Variants in ADGB observed in about 807,000 individuals in gnomAD.
The protein encoded by ADGB is calpain-7-like protein.
Under a neutral mutation model 210.5 loss-of-function variants are expected in ADGB, and 172 were observed. That is an observed-to-expected ratio of 0.82 (90% confidence interval 0.72 to 0.93). ADGB has a LOEUF of 0.93. Ranked by LOEUF, ADGB falls within the 40% of genes least tolerant of loss-of-function variation. The probability of loss-of-function intolerance (pLI) is 0.00; values close to 1 mark genes in which losing one functional copy is unlikely to be tolerated. For synonymous variants in ADGB, 658 were observed against 662.7 expected (o/e 0.99, Z 0.11); for missense variants, 2,025 against 1,964.8 (o/e 1.03, Z -0.58).
chr6:146,772,122 C>T (rs1000451349), intron 29 of ADGB, among the ~76,000 whole-genome samples: 6 of 151,998 alleles, frequency 3.9e-5, no homozygotes, highest in African/African-American at 9.7e-5. Context: ...CAAATAATCT[C>T]ATCATAAATC....
chr6:146,788,821 G>GC (rs979702280), intron 33 of ADGB, among the ~76,000 whole-genome samples: 10 of 152,198 alleles, frequency 6.6e-5, no homozygotes, highest in African/African-American at 2.2e-4. Context: ...GTGGGCAAAA[G>GC]CCCCCCTACA....
chr6:146,756,742 A>G (rs7770632), intron 27 of ADGB, among the ~76,000 whole-genome samples: 76,929 of 151,088 alleles, frequency 0.51, 21,235 homozygotes, highest in African/African-American at 0.73. Flanking sequence ...TTTGTTCCTA[A>G]ATTTTTTTTT....
intron 18 of ADGB, chr6:146,724,783 G>C (rs1349726892): frequency 6.6e-6 from 1 of 151,954 alleles, no homozygotes; most frequent in Non-Finnish European, 1.5e-5. Flanking sequence ...AGATTTTCTT[G>C]TGGCTTATTT....
intron 23 of ADGB, among the ~76,000 whole-genome samples, chr6:146,737,798 G>A (rs1360279775): frequency 6.6e-6 from 1 of 152,186 alleles, no homozygotes; most frequent in African/African-American, 2.4e-5. Flanking sequence ...CCAGGGAGGT[G>A]TAACACTAGC....
chr6:146,752,412 T>A (rs951639749), intron 26 of ADGB, 118 bp from the exon 27 acceptor site: 54 of 886,470 alleles, frequency 6.1e-5, no homozygotes, highest in Non-Finnish European at 8.4e-5. Context: ...CCTCAAACAG[T>A]GAGGGTCACA....
At chr6:146,809,775 A>C (rs373728543) in intron 35 of ADGB, among the ~76,000 whole-genome samples, 59 of 152,320 alleles carry the variant, frequency 3.9e-4, no homozygotes, top group African/African-American at 1.4e-3. Context: ...AAAAGAATAA[A>C]ATAGGAACAT....
At chr6:146,758,255 C>T (rs1238008096) in intron 27 of ADGB, among the ~76,000 whole-genome samples, 1 of 152,028 alleles carries the variant, frequency 6.6e-6, no homozygotes. Flanking sequence ...TTTAAAATGG[C>T]TGTTTTCTTT....
chr6:146,606,147 G>A (rs1780626331), intron 1 of ADGB, among the ~76,000 whole-genome samples: 2 of 151,996 alleles, frequency 1.3e-5, no homozygotes, highest in African/African-American at 4.8e-5. Flanking sequence ...TTTCACTGTG[G>A]TTTTGATTGG....
chr6:146,720,160 T>A (rs1450416387), intron 16 of ADGB, among the ~76,000 whole-genome samples: 1 of 152,080 alleles, frequency 6.6e-6, no homozygotes, highest in Non-Finnish European at 1.5e-5. Context: ...CCCTCACAAT[T>A]ATGTTGAAGC....
chr6:146,643,205 A>G (rs1775544300), intron 2 of ADGB, among the ~76,000 whole-genome samples: 1 of 150,896 alleles, frequency 6.6e-6, no homozygotes, highest in African/African-American at 2.5e-5. Flanking sequence ...CATTCAAATT[A>G]TTCCAGTATC....
intron 1 of ADGB, among the ~76,000 whole-genome samples, chr6:146,617,059 A>T (rs555994426): frequency 1.3e-5 from 2 of 152,184 alleles, no homozygotes; most frequent in South Asian, 4.1e-4. Flanking sequence ...TAACAATAAT[A>T]ATTCTTCCAA....
In ADGB at chr6:146,801,943, C is replaced by A. The variant is rs200870606; in HGVS notation, c.4750C>A (p.Arg1584=). Residue 1584 remains arginine, a synonymous_variant, in exon 35 of 36, where the codon CGA becomes AGA. Transcript: ENST00000397944. ...GCATAGGACCAGAGTCCTTAGCATTCGAAACATTGACCAAGAAGAGCGGTT... is the reference window on the plus strand; with the variant it reads ...GCATAGGACCAGAGTCCTTAGCATTAGAAACATTGACCAAGAAGAGCGGTT... ...RQHRTRVLSI[R]NIDQEERLKL... is the part of the protein sequence containing the mutation. 1.9e-6 allele frequency: 3 copies of A among 1,550,100 alleles called. No homozygotes were observed. Among genetic ancestry groups the A allele is most frequent in the African/African-American group, 2.7e-5 (2 of 72,900 alleles).
chr6:146,783,141 C>A (rs896643075), intron 30 of ADGB, among the ~76,000 whole-genome samples: 2 of 152,034 alleles, frequency 1.3e-5, no homozygotes, highest in African/African-American at 4.8e-5. Flanking sequence ...TGGGACAGAT[C>A]AAGAAGTATC....
chr6:146,626,080 G>A (rs1780966637), intron 1 of ADGB, among the ~76,000 whole-genome samples: 1 of 150,948 alleles, frequency 6.6e-6, no homozygotes, highest in East Asian at 1.9e-4. Flanking sequence ...ATATCTATTT[G>A]TTTTGTTATT....
At chr6:146,799,058 CA>C (rs71552962) in intron 33 of ADGB, among the ~76,000 whole-genome samples, 1,426 of 63,516 alleles carry the variant, frequency 0.022, 7 homozygotes, top group Middle Eastern at 0.047. Flanking sequence ...TATGGAAATG[CA>C]AAAAAAAAAA....
At position 146,769,085 on chromosome 6, in the gene ADGB, G is replaced by A. The variant is rs1385722641; in HGVS notation, c.3816G>A (p.Leu1272=). The stretch of plus-strand genomic sequence containing the variant: ...GTTGGCCTCTCACTGAAAGCCAGCT[G>A]ACATTTGTTCAAGCACTGAAAGACT... ...YNSWPLTESQ[L]TFVQALKDLK... Residue 1272 remains leucine (L), a synonymous_variant, in exon 29 of 36, where the codon CTG becomes CTA. Coordinates refer to ENST00000397944, the MANE Select transcript of ADGB (RefSeq NM_024694.4). 15 of 1,529,870 alleles carry A rather than the reference G, an allele frequency of 9.8e-6. No homozygotes were observed. The highest frequency in any genetic ancestry group is 1.2e-5 in the Non-Finnish European group (14 of 1,131,956). The allele number at this position is 1,529,870 out of a possible 1,614,324, so 94.8% of individuals were successfully genotyped here.
chr6:146,762,262 T>C (rs1043937898), intron 27 of ADGB, among the ~76,000 whole-genome samples: 2 of 152,176 alleles, frequency 1.3e-5, no homozygotes, highest in Non-Finnish European at 2.9e-5. Context: ...CTATTGCTTG[T>C]ATTCAAGTTT....
intron 1 of ADGB, among the ~76,000 whole-genome samples, chr6:146,603,494 G>C (rs1397400307): frequency 6.6e-6 from 1 of 152,094 alleles, no homozygotes; most frequent in East Asian, 1.9e-4. Context: ...ACAATTTGAT[G>C]TTTATACTTA....
rs374371328 is a variant in ADGB, at chr6:146,656,849, G to A, written c.481G>A (p.Gly161Arg). The change falls in exon 5 of 36, where the codon GGG becomes AGG. Residue 161 changes from glycine to arginine, a missense_variant. Coordinates refer to ENST00000397944, the MANE Select transcript of ADGB (RefSeq NM_024694.4). Reference sequence around the variant, plus strand: ...AGGAATTTTGAGCAATTATTTTAAGGGGACTTCAGGGGAACCTCCTCTTCT... The same window carrying A: ...AGGAATTTTGAGCAATTATTTTAAGAGGACTTCAGGGGAACCTCCTCTTCT... The part of the protein sequence containing the change: ...NGGILSNYFK[G>R]TSGEPPLLPW... 2 of 1,551,418 alleles carry A rather than the reference G, an allele frequency of 1.3e-6. No individual in the cohort carries two copies. The highest frequency in any genetic ancestry group is 1.7e-6 in the Non-Finnish European group (2 of 1,146,686).
Sources: gnomAD v4.1 joint callset for allele counts (sites outside exome capture counted in the v4.1 genomes callset) on GRCh38, gnomAD v4.1.1 for gene constraint, MANE v1.5 for transcripts, NCBI Gene and HGNC (gene_info 2026-07-23, HGNC 2026-07-21) for gene names.